The following PUDP variants were observed in gnomAD, a reference collection of about 807,000 sequenced individuals.
PUDP encodes the protein pseudouridine 5'-phosphatase.
Under a neutral mutation model 9.4 loss-of-function variants are expected in PUDP, and 8 were observed. That is an observed-to-expected ratio of 0.85 (90% CI 0.50 to 1.53). The LOEUF (loss-of-function observed/expected upper bound fraction) is 1.53, where lower values mean the gene tolerates loss of function less well. Among genes scored for constraint, PUDP ranks in the 40% most tolerant of loss-of-function variants. The pLI, the probability that PUDP is intolerant of heterozygous loss-of-function variation, is 0.00. For missense variants in PUDP, 188 were observed against 189.7 expected (o/e 0.99, Z 0.05); for synonymous variants, 99 against 80.7 (o/e 1.23, Z -1.22).
At chrX:7,118,170 A>AG (rs1177478942) in intron 1 of PUDP, among the ~76,000 whole-genome samples, 1 of 112,460 alleles carries the variant, frequency 8.9e-6, no homozygotes, top group Non-Finnish European at 1.9e-5. Flanking sequence ...TCTATTCTCA[A>AG]GGCCTGCCAT....
chrX:7,077,304 G>T lies in PUDP; in HGVS notation c.426C>A (p.Asp142Glu). The T allele has an allele frequency of 8.3e-7, 1 of 1,210,234 alleles. No homozygotes were observed. The highest frequency in any genetic ancestry group is 1.1e-6 in the Non-Finnish European group (1 of 894,822). ...SLFSHIVLGDDPEVQHGKPDP... is the reference protein window; with the variant it reads ...SLFSHIVLGDEPEVQHGKPDP... ...CTGGCTTGCCATGCTGCACTTCGGG[G>T]TCATCTCCCAGCACAATGTGGGAAA... is the stretch of plus-strand genomic sequence containing the variant. Residue 142 changes from aspartate (D) to glutamate (E), a missense_variant, in exon 3 of 4, where the codon GAC (aspartate) becomes GAA (glutamate). Asp to Glu is a conservative substitution (Grantham distance 45, BLOSUM62 2). Coordinates refer to ENST00000381077, the MANE Select transcript of PUDP (RefSeq NM_012080.5).
chrX:6,783,160 G>C (rs1382834565), intron 3 of PUDP, among the ~76,000 whole-genome samples: 2 of 111,782 alleles, frequency 1.8e-5, no homozygotes, highest in African/African-American at 6.5e-5. Flanking sequence ...CCTATATCTT[G>C]AGAACAGAAG....
chrX:7,083,971 T>C (rs1413007187), intron 2 of PUDP, among the ~76,000 whole-genome samples: 1 of 111,422 alleles, frequency 9.0e-6, no homozygotes, highest in Non-Finnish European at 1.9e-5. Flanking sequence ...TATTCAAATA[T>C]ACACAGAAAG....
chrX:6,874,761 T>G (rs1329890960), intron 3 of PUDP, among the ~76,000 whole-genome samples: 1 of 112,413 alleles, frequency 8.9e-6, no homozygotes, highest in African/African-American at 3.2e-5. Flanking sequence ...TAAATAAATA[T>G]ACTGTTACTA....
intron 1 of PUDP, among the ~76,000 whole-genome samples, chrX:6,982,069 C>A (rs998309598): frequency 1.0e-5 from 1 of 99,465 alleles, no homozygotes. Flanking sequence ...CACGCACATA[C>A]CCAAGAGAAA....
intron 3 of PUDP, among the ~76,000 whole-genome samples, chrX:6,951,224 C>G (rs1461690978): frequency 1.1e-5 from 1 of 88,045 alleles, no homozygotes; most frequent in African/African-American, 3.9e-5. Flanking sequence ...CATCATCCAT[C>G]CATCCATCCA....
At chrX:7,054,241 G>A (rs1204667916) in intron 3 of PUDP, among the ~76,000 whole-genome samples, 2 of 110,449 alleles carry the variant, frequency 1.8e-5, no homozygotes, top group Admixed American at 9.6e-5. Flanking sequence ...AAATCACATC[G>A]CTACCAAAAA....
intron 3 of PUDP, among the ~76,000 whole-genome samples, chrX:6,867,873 C>G (rs149779968): frequency 4.5e-5 from 5 of 111,325 alleles, no homozygotes; most frequent in Non-Finnish European, 9.4e-5. Context: ...GAACTTCGTG[C>G]AGTATAATTC....
At chrX:6,899,117 C>G (rs750282245) in intron 3 of PUDP, among the ~76,000 whole-genome samples, 1 of 112,547 alleles carries the variant, frequency 8.9e-6, no homozygotes, top group African/African-American at 3.2e-5. Context: ...ACACAGGCTA[C>G]TGTCATATTT....
At chrX:6,916,985 A>G (rs774004348) in intron 3 of PUDP, among the ~76,000 whole-genome samples, 5 of 112,326 alleles carry the variant, frequency 4.5e-5, no homozygotes, top group African/African-American at 1.6e-4. Flanking sequence ...TGCAGGGAAA[A>G]AAAAGAAACA....
At chrX:7,051,843 T>C (rs1386418519) in intron 3 of PUDP, among the ~76,000 whole-genome samples, 1 of 112,447 alleles carries the variant, frequency 8.9e-6, no homozygotes, top group Non-Finnish European at 1.9e-5. Context: ...GATGTACTGA[T>C]GCTTTTTAAC....
At chrX:6,962,868 C>G (rs772533277) in intron 3 of PUDP, among the ~76,000 whole-genome samples, 3 of 112,698 alleles carry the variant, frequency 2.7e-5, no homozygotes, top group East Asian at 2.8e-4. Context: ...CAAATTAACA[C>G]TAGAAAGCAT....
At chrX:6,794,566 C>A (rs996642095) in intron 3 of PUDP, among the ~76,000 whole-genome samples, 10 of 108,296 alleles carry the variant, frequency 9.2e-5, no homozygotes, top group African/African-American at 3.1e-4. Context: ...ACTTTTCTTT[C>A]TTTAATTTTT....
At chrX:7,125,654 T>G (rs1360224691) in intron 1 of PUDP, among the ~76,000 whole-genome samples, 1 of 111,836 alleles carries the variant, frequency 8.9e-6, no homozygotes, top group African/African-American at 3.3e-5. Context: ...TGAGAATGGG[T>G]AATTTATAAA....
intron 1 of PUDP, among the ~76,000 whole-genome samples, chrX:6,708,224 T>C (rs1602595132): frequency 2.7e-5 from 3 of 111,839 alleles, no homozygotes; most frequent in African/African-American, 9.8e-5. Context: ...ATAGAAAGAA[T>C]TCTTCTGAAA....
At chrX:7,003,496 G>C (rs771194094) in intron 1 of PUDP, among the ~76,000 whole-genome samples, 7 of 111,971 alleles carry the variant, frequency 6.3e-5, no homozygotes, top group Non-Finnish European at 1.1e-4. Context: ...ACCATAAAAA[G>C]CTAGAAGACA....
At chrX:6,822,967 C>G (rs1926370696) in intron 3 of PUDP, among the ~76,000 whole-genome samples, 2 of 111,272 alleles carry the variant, frequency 1.8e-5, no homozygotes, top group African/African-American at 6.5e-5. Flanking sequence ...TTGCTTTACC[C>G]AAGTTAATCT....
intron 3 of PUDP, among the ~76,000 whole-genome samples, chrX:6,793,831 C>T (rs1258717725): frequency 2.7e-5 from 3 of 111,450 alleles, no homozygotes; most frequent in Non-Finnish European, 5.7e-5. Flanking sequence ...AGTCTTAAAC[C>T]CTGGAAACCT....
intron 3 of PUDP, among the ~76,000 whole-genome samples, chrX:7,067,518 A>G (rs1930599907): frequency 8.9e-6 from 1 of 111,762 alleles, no homozygotes; most frequent in South Asian, 3.8e-4. Flanking sequence ...GACCTGGCCA[A>G]AGCACAGCTC....
Sources: gnomAD v4.1 joint callset for allele counts (sites outside exome capture counted in the v4.1 genomes callset) on GRCh38, gnomAD v4.1.1 for gene constraint, MANE v1.5 for transcripts, NCBI Gene and HGNC (gene_info 2026-07-23, HGNC 2026-07-21) for gene names.